The following DMD variants were observed in gnomAD, a reference collection of about 807,000 sequenced individuals.
The protein encoded by DMD is mutant dystrophin.
Under a neutral mutation model 330.1 loss-of-function variants are expected in DMD, and 63 were observed. That is an observed-to-expected ratio of 0.19 (90% confidence interval 0.16 to 0.24). DMD has a LOEUF of 0.24. Ranked by LOEUF, DMD falls within the 10% of genes least tolerant of loss-of-function variation. The pLI, the probability that DMD is intolerant of heterozygous loss-of-function variation, is 1.00. For synonymous variants in DMD, 1,223 were observed against 959.8 expected (o/e 1.27, Z -5.07); for missense variants, 3,344 against 2,684.1 (o/e 1.25, Z -5.43).
At chrX:32,760,713 C>A (rs1395701039) in intron 7 of DMD, among the ~76,000 whole-genome samples, 3 of 111,950 alleles carry the variant, frequency 2.7e-5, no homozygotes, top group Non-Finnish European at 5.6e-5. Context: ...AAACTGAATA[C>A]TTCATATATT....
intron 11 of DMD, among the ~76,000 whole-genome samples, chrX:32,628,277 TTTTTTTTTTTTTTTTTTTA>T (rs1163384157): frequency 6.0e-5 from 4 of 67,116 alleles, no homozygotes; most frequent in Admixed American, 4.9e-4. Flanking sequence ...TTTTTTTTTT[TTTTTTTTTTTTTTTTTTTA>T]AGCTCTCACA....
chrX:31,709,584 CTGTGTGTGTGTGTGTGTG>C (rs55768943), intron 52 of DMD, among the ~76,000 whole-genome samples: 1 of 94,039 alleles, frequency 1.1e-5, no homozygotes, highest in Non-Finnish European at 2.1e-5. Context: ...CTCTCTCTGT[CTGTGTGTGTGTGTGTGTG>C]TGTGTGTGTG....
chrX:33,039,142 G>A (rs886527195), intron 1 of DMD, among the ~76,000 whole-genome samples: 1 of 111,709 alleles, frequency 9.0e-6, no homozygotes, highest in African/African-American at 3.3e-5. Flanking sequence ...AGATATCATG[G>A]TTTAAATTTT....
chrX:32,441,524 A>G (rs1478537411), intron 27 of DMD, among the ~76,000 whole-genome samples: 1 of 111,909 alleles, frequency 8.9e-6, no homozygotes, highest in Admixed American at 9.5e-5. Context: ...TATTACATGA[A>G]TAATGAATAA....
chrX:32,542,560 G>A (rs1280548955), intron 17 of DMD, among the ~76,000 whole-genome samples: 2 of 112,210 alleles, frequency 1.8e-5, no homozygotes, highest in Admixed American at 1.9e-4. Flanking sequence ...ACAGAAGCTG[G>A]AAGAGGACAT....
At chrX:31,539,827 T>C (rs1603342483) in intron 55 of DMD, among the ~76,000 whole-genome samples, 1 of 112,270 alleles carries the variant, frequency 8.9e-6, no homozygotes, top group East Asian at 2.8e-4. Flanking sequence ...GTCATGGTGC[T>C]AGATACTGAG....
At chrX:32,043,743 C>T in intron 44 of DMD, among the ~76,000 whole-genome samples, 2 of 111,603 alleles carry the variant, frequency 1.8e-5, no homozygotes, top group Non-Finnish European at 3.8e-5. Flanking sequence ...AATAGTGATG[C>T]AATAAACCAG....
At chrX:31,901,289 C>T (rs1446122267) in intron 47 of DMD, among the ~76,000 whole-genome samples, 2 of 111,650 alleles carry the variant, frequency 1.8e-5, no homozygotes, top group African/African-American at 6.5e-5. Context: ...TTTTCAATGT[C>T]AAACACAATC....
Position 32,813,281 on chromosome X carries a change from C to T in DMD, c.530+3187G>A, listed in dbSNP as rs60896841. 1.4e-3 allele frequency among the ~76,000 whole-genome samples: 159 copies of T among 111,785 alleles called. 1 individual carries two copies. The East Asian group carries it at 0.038, about 27-fold the overall frequency. On this transcript the variant is annotated intron_variant, in intron 6 of 78. Transcript: ENST00000357033. ...AAATGCATAAAAATTGTAAAACTAA[C>T]CAACTATGAAGGAAACCCACACAGC...
At chrX:33,189,349 C>G (rs980937087) in intron 1 of DMD, among the ~76,000 whole-genome samples, 1 of 111,322 alleles carries the variant, frequency 9.0e-6, no homozygotes, top group Admixed American at 9.6e-5. Context: ...CCGTGTAACA[C>G]TGATAAACAT....
At chrX:31,822,657 T>TGTGTGTGTGTGG (rs1569454461) in intron 49 of DMD, among the ~76,000 whole-genome samples, 3 of 87,098 alleles carry the variant, frequency 3.4e-5, no homozygotes, top group South Asian at 1.2e-3. Flanking sequence ...CAGAGGGGTG[T>TGTGTGTGTGTGG]GTGTGTGTGT....
intron 10 of DMD, among the ~76,000 whole-genome samples, chrX:32,644,525 C>T (rs773489441): frequency 9.1e-5 from 10 of 109,589 alleles, no homozygotes; most frequent in South Asian, 8.2e-4. Context: ...AAGCAGGCCC[C>T]GAGATAAGGA....
chrX:32,820,400 C>A (rs1345726923), intron 5 of DMD, among the ~76,000 whole-genome samples: 1 of 111,008 alleles, frequency 9.0e-6, no homozygotes, highest in Non-Finnish European at 1.9e-5. Context: ...AGAGATCGCG[C>A]CACTGCACTC....
chrX:32,334,068 A>G (rs2097693659), intron 41 of DMD, among the ~76,000 whole-genome samples: 1 of 111,858 alleles, frequency 8.9e-6, no homozygotes, highest in Non-Finnish European at 1.9e-5. Flanking sequence ...CTACTTAACC[A>G]TTAAACTGAT....
intron 56 of DMD, among the ~76,000 whole-genome samples, chrX:31,504,421 A>G (rs1298075720): frequency 8.9e-6 from 1 of 112,108 alleles, no homozygotes; most frequent in Non-Finnish European, 1.9e-5. Context: ...TTGAAATATA[A>G]GAGCAGTTTC....
chrX:33,277,471 T>C (rs1353007311), intron 1 of DMD, among the ~76,000 whole-genome samples: 1 of 111,286 alleles, frequency 9.0e-6, no homozygotes, highest in African/African-American at 3.3e-5. Flanking sequence ...CCTCTGACTG[T>C]CCATGAGAGA....
rs186937231 is a variant in DMD, at chrX:32,473,395, C to T, written c.2804-1086G>A. Among the ~76,000 whole-genome samples the T allele has an allele frequency of 4.0e-3, 446 of 111,082 alleles. 3 individuals carry two copies. Among genetic ancestry groups the T allele is most frequent in the African/African-American group, 0.013 (404 of 30,641 alleles). On this transcript the variant is annotated intron_variant, in intron 21 of 78. Coordinates refer to ENST00000357033, the MANE Select transcript of DMD (RefSeq NM_004006.3). ...TATGCATCCCAGAATGTGGCAGAAG[C>T]CATATTTAAACAGATAATGGCTAAT...
At chrX:31,526,162 T>A (rs746971333) in intron 55 of DMD, among the ~76,000 whole-genome samples, 3 of 112,312 alleles carry the variant, frequency 2.7e-5, no homozygotes, top group Non-Finnish European at 5.6e-5. Context: ...GAGGGAAAAT[T>A]GGGAAGGAAA....
intron 60 of DMD, among the ~76,000 whole-genome samples, chrX:31,410,928 T>G (rs1343812267): frequency 1.0e-5 from 1 of 96,814 alleles, no homozygotes; most frequent in Non-Finnish European, 2.1e-5. Flanking sequence ...TGTGTTTTTT[T>G]TTTTTTTTTT....
Sources: allele counts gnomAD v4.1 joint callset (sites outside exome capture counted in the v4.1 genomes callset), GRCh38; gene constraint gnomAD v4.1.1; transcripts MANE v1.5; gene names NCBI Gene and HGNC (gene_info 2026-07-23, HGNC 2026-07-21).